The following TRIO variants were observed in gnomAD, a reference collection of about 807,000 sequenced individuals.
TRIO encodes the protein trio Rho guanine nucleotide exchange factor.
In TRIO, 58 loss-of-function variants were observed where a neutral mutation model predicts 351.9. The ratio of observed to expected loss-of-function variants is 0.16; its 90% CI spans 0.13 to 0.21. The LOEUF is 0.21. Ranked by LOEUF, TRIO falls within the 10% of genes least tolerant of loss-of-function variation. The pLI is 1.00. For missense variants in TRIO, 3,201 were observed against 4,027.8 expected (o/e 0.79, Z 5.56); for synonymous variants, 1,758 against 1,595.7 (o/e 1.10, Z -2.42).
chr5:14,450,950 A>G (rs1215287092), intron 34 of TRIO, among the ~76,000 whole-genome samples: 1 of 152,238 alleles, frequency 6.6e-6, no homozygotes, highest in Non-Finnish European at 1.5e-5. Context: ...TACACCAAAC[A>G]TATGTAAGAG....
intron 1 of TRIO, among the ~76,000 whole-genome samples, chr5:14,179,126 G>A (rs1318673573): frequency 6.6e-6 from 1 of 152,146 alleles, no homozygotes; most frequent in African/African-American, 2.4e-5. Context: ...TTTGGTCATA[G>A]TCCCCTGCTG....
chr5:14,396,825 A>G lies in TRIO; in HGVS notation c.4312-218A>G, dbSNP rs16903470. Among the ~76,000 whole-genome samples, 882 of 152,176 alleles carry G rather than the reference A, an allele frequency of 5.8e-3. 7 individuals carry two copies. The highest frequency in any genetic ancestry group is 0.019 in the African/African-American group (796 of 41,506). ...AACAGGTATACTAATTTCATCTTAA[A>G]CTGTGAATACATCTGGCTTACTCTG... On this transcript the variant is annotated intron_variant, in intron 28 of 56. Transcript: ENST00000344204.
chr5:14,504,425 A>G lies in TRIO; in HGVS notation c.8444A>G (p.Gln2815Arg), dbSNP rs1757518739. The part of the protein sequence containing the change: ...GRFSVVKKCD[Q>R]KGTKRAVATK... Reference sequence around the variant, plus strand: ...TTCTCTGTCGTTAAGAAATGTGATCAGAAAGGAACCAAGCGAGCAGTGGCC... The same window carrying G: ...TTCTCTGTCGTTAAGAAATGTGATCGGAAAGGAACCAAGCGAGCAGTGGCC... Residue 2815 changes from glutamine (Q) to arginine (R), a missense_variant, in exon 55 of 57, where the codon CAG becomes CGG. Transcript: ENST00000344204. 1.9e-6 allele frequency: 3 copies of G among 1,614,228 alleles called. No individual in the cohort carries two copies. The highest frequency in any genetic ancestry group is 2.5e-6 in the Non-Finnish European group (3 of 1,180,038).
chr5:14,472,774 A>G (rs1229248686), intron 39 of TRIO, 116 bp downstream of exon 39: 4 of 1,128,632 alleles, frequency 3.5e-6, no homozygotes, highest in Admixed American at 2.5e-5. Flanking sequence ...TTGACCCAAA[A>G]TAAAAAGTGA....
intron 34 of TRIO, among the ~76,000 whole-genome samples, chr5:14,459,603 G>A (rs2126486595): frequency 6.6e-6 from 1 of 152,268 alleles, no homozygotes; most frequent in Non-Finnish European, 1.5e-5. Context: ...AGCTGGGTAT[G>A]GTGGCAGTCG....
At position 14,378,035 on chromosome 5, in the gene TRIO, C is replaced by T. The variant is rs1745725093; in HGVS notation, c.3355C>T (p.Arg1119Trp). 3 of 1,612,920 alleles carry T rather than the reference C, an allele frequency of 1.9e-6. No individual in the cohort carries two copies. The highest frequency in any genetic ancestry group is 1.7e-6 in the Non-Finnish European group (2 of 1,179,470). Residue 1119 changes from arginine (R) to tryptophan (W), a missense_variant, in exon 20 of 57, where the codon CGG (arginine) becomes TGG (tryptophan). This residue lies in a region of TRIO where 201 missense variants were observed against 266.5 expected (regional missense o/e 0.75). Coordinates refer to ENST00000344204, the MANE Select transcript of TRIO (RefSeq NM_007118.4). ...AGATATCTTGAATGAACTCTTCCAACGGGAGAACAGGGTATTGCATTACTG... is the reference window on the plus strand; with the variant it reads ...AGATATCTTGAATGAACTCTTCCAATGGGAGAACAGGGTATTGCATTACTG... ...VKNILNELFQ[R>W]ENRVLHYWTM... is the part of the protein sequence containing the mutation.
intron 46 of TRIO, among the ~76,000 whole-genome samples, chr5:14,483,922 C>T (rs532893249): frequency 1.3e-5 from 2 of 152,114 alleles, no homozygotes; most frequent in South Asian, 2.1e-4. Context: ...ATGCCCTGAA[C>T]TGTGCACCCA....
intron 1 of TRIO, among the ~76,000 whole-genome samples, chr5:14,179,119 G>A (rs1033588231): frequency 2.0e-5 from 3 of 152,168 alleles, no homozygotes; most frequent in Admixed American, 6.5e-5. Context: ...GAAGAGTTTT[G>A]GTCATAGTCC....
chr5:14,478,222 C>A (rs910716243), intron 41 of TRIO, among the ~76,000 whole-genome samples: 3 of 152,162 alleles, frequency 2.0e-5, no homozygotes, highest in Non-Finnish European at 4.4e-5. Context: ...CGTGTATACT[C>A]CCTGGTTGAG....
At chr5:14,181,989 C>T (rs1789800025) in intron 1 of TRIO, among the ~76,000 whole-genome samples, 1 of 151,964 alleles carries the variant, frequency 6.6e-6, no homozygotes, top group African/African-American at 2.4e-5. Context: ...CCCCATCCTC[C>T]CTGACTTGTA....
chr5:14,482,588 A>G lies in TRIO; in HGVS notation c.6472A>G (p.Ile2158Val). The change falls in exon 46 of 57, where the codon ATC becomes GTC. Residue 2158 changes from isoleucine (I) to valine (V), a missense_variant. By Grantham distance (29) the Ile-to-Val change is conservative. Transcript: ENST00000344204. ...CCTTTATTTCTTGTTTTAGGGGAAA[A>G]TCGTTGCCCAGGGTAAACTGCTCTT... ...VGRLQGFDGKIVAQGKLLLQD... is the reference protein window; with the variant it reads ...VGRLQGFDGKVVAQGKLLLQD... 1 of 1,441,908 alleles carries G rather than the reference A, an allele frequency of 6.9e-7. No homozygotes were observed. Among genetic ancestry groups the G allele is most frequent in the Non-Finnish European group, 9.2e-7 (1 of 1,084,622 alleles). The allele number at this position is 1,441,908 out of a possible 1,614,324, so 89.3% of individuals were successfully genotyped here.
At chr5:14,177,269 A>G (rs32569) in intron 1 of TRIO, among the ~76,000 whole-genome samples, 14,017 of 152,246 alleles carry the variant, frequency 0.092, 749 homozygotes, top group African/African-American at 0.13. Context: ...AGTGGCTTAT[A>G]TTTCACAAGT....
intron 1 of TRIO, among the ~76,000 whole-genome samples, chr5:14,232,222 G>C (rs1793479529): frequency 6.6e-6 from 1 of 152,094 alleles, no homozygotes; most frequent in Non-Finnish European, 1.5e-5. Context: ...TGCCATATGG[G>C]GGCTTCTCCC....
intron 1 of TRIO, among the ~76,000 whole-genome samples, chr5:14,204,979 G>T (rs1791367290): frequency 6.6e-6 from 1 of 152,014 alleles, no homozygotes; most frequent in African/African-American, 2.4e-5. Context: ...GGGATGCGTG[G>T]TGTCACCCCT....
intron 39 of TRIO, 50 bp from the exon 40 acceptor site, chr5:14,473,944 G>C: frequency 6.4e-7 from 1 of 1,558,072 alleles, no homozygotes; most frequent in Non-Finnish European, 8.8e-7. Context: ...GCCACTAGTT[G>C]ATTCAGACAT....
chr5:14,485,234 A>G lies in TRIO; in HGVS notation c.6823A>G (p.Asn2275Asp), dbSNP rs748265956. The change falls in exon 47 of 57, where the codon AAT (asparagine) becomes GAT (aspartate). Residue 2275 changes from asparagine (N) to aspartate (D), a missense_variant. Around this residue, in one of 19 missense-constraint regions of TRIO, gnomAD observed 1,089 missense variants for 954.9 expected, o/e 1.14. Coordinates refer to ENST00000344204, the MANE Select transcript of TRIO (RefSeq NM_007118.4). ...EINQILENQRNFLNALTSPIE... is the reference protein window; with the variant it reads ...EINQILENQRDFLNALTSPIE... ...CAACCAAATTTTAGAAAACCAGCGC[A>G]ATTTTTTAAATGGTAATGTGTGTTC... 1.9e-6 allele frequency: 3 copies of G among 1,578,538 alleles called. No individual in the cohort carries two copies. The highest frequency in any genetic ancestry group is 4.5e-5 in the East Asian group (2 of 43,974).
At chr5:14,361,982 C>T (rs1400201748) in intron 13 of TRIO, among the ~76,000 whole-genome samples, 5 of 152,048 alleles carry the variant, frequency 3.3e-5, no homozygotes, top group Non-Finnish European at 2.9e-5. Flanking sequence ...GGCGTGGTGG[C>T]GTGCACCTGT....
intron 11 of TRIO, among the ~76,000 whole-genome samples, chr5:14,349,125 T>C (rs1013729126): frequency 6.6e-6 from 1 of 150,502 alleles, no homozygotes; most frequent in Non-Finnish European, 1.5e-5. Context: ...TGCATGCACA[T>C]GAGCATGTTT....
At chr5:14,220,752 G>T (rs1028952001) in intron 1 of TRIO, among the ~76,000 whole-genome samples, 1 of 152,244 alleles carries the variant, frequency 6.6e-6, no homozygotes, top group Admixed American at 6.5e-5. Flanking sequence ...TGATAGAGGT[G>T]AGGAAGCTGC....
Sources: allele counts gnomAD v4.1 joint callset (sites outside exome capture counted in the v4.1 genomes callset), GRCh38; gene constraint gnomAD v4.1.1; regional missense constraint gnomAD v4.1.1; transcripts MANE v1.5; gene names NCBI Gene and HGNC (gene_info 2026-07-23, HGNC 2026-07-21).